ZZZ3: variants seen among roughly 807,000 people sequenced by gnomAD.
ZZZ3 encodes the protein zinc finger ZZ-type containing 3.
In ZZZ3, 22 loss-of-function variants were observed where a neutral mutation model predicts 95.2. The ratio of observed to expected loss-of-function variants is 0.23; its 90% CI spans 0.17 to 0.33. The LOEUF is 0.33. Ranked by LOEUF, ZZZ3 falls within the 10% of genes least tolerant of loss-of-function variation. The pLI is 1.00. For missense variants in ZZZ3, 885 were observed against 1,066.5 expected (o/e 0.83, Z 2.37); for synonymous variants, 335 against 358.9 (o/e 0.93, Z 0.75).
chr1:77,635,705 T>C lies in ZZZ3; in HGVS notation c.-51-2300A>G, dbSNP rs1570570569. Among the ~76,000 whole-genome samples, 2 of 152,190 alleles carry C rather than the reference T, an allele frequency of 1.3e-5. 1 individual carries two copies. The highest frequency in any genetic ancestry group is 4.2e-4 in the South Asian group (2 of 4,814). ...CGGATTACTTGAGGTCAGGAGTTCGTGACCAGCCTGGCCAACATGGTGAAA... is the reference window on the plus strand; with the variant it reads ...CGGATTACTTGAGGTCAGGAGTTCGCGACCAGCCTGGCCAACATGGTGAAA... On this transcript the variant is annotated intron_variant, in intron 4 of 14. Coordinates refer to ENST00000370801, the MANE Select transcript of ZZZ3 (RefSeq NM_015534.6).
intron 5 of ZZZ3, among the ~76,000 whole-genome samples, chr1:77,587,891 C>T (rs1286373521): frequency 6.6e-6 from 1 of 152,172 alleles, no homozygotes; most frequent in Non-Finnish European, 1.5e-5. Flanking sequence ...TTAGGTTGGT[C>T]CACTTTCACT....
At chr1:77,584,682 C>T (rs1662914498) in intron 5 of ZZZ3, 27 bp from the exon 6 acceptor site, 5 of 1,519,304 alleles carry the variant, frequency 3.3e-6, no homozygotes, top group South Asian at 2.7e-5. Flanking sequence ...AAATATTTCA[C>T]AAAAATTTTC....
At chr1:77,626,135 A>C (rs1205852984) in intron 5 of ZZZ3, among the ~76,000 whole-genome samples, 2 of 152,206 alleles carry the variant, frequency 1.3e-5, no homozygotes. Context: ...AAAGCAAAAA[A>C]TTCACTTAAT....
intron 1 of ZZZ3, among the ~76,000 whole-genome samples, chr1:77,668,543 A>T (rs1395753517): frequency 6.6e-6 from 1 of 151,724 alleles, no homozygotes; most frequent in Non-Finnish European, 1.5e-5. Context: ...TCTATTTATA[A>T]TAAGGAAAAC....
Position 77,581,968 on chromosome 1 carries a change from T to C in ZZZ3, c.1792+11A>G. 1.2e-6 allele frequency: 2 copies of C among 1,601,208 alleles called. No individual in the cohort carries two copies. Among genetic ancestry groups the C allele is most frequent in the Non-Finnish European group, 1.7e-6 (2 of 1,170,056 alleles). ...TTTTTCTACTTAAATTCTTATCATA[T>C]GATTTCTTACCTTTATCAAAAACTA... On this transcript the variant is annotated intron_variant, in intron 7 of 14. Coordinates refer to ENST00000370801, the MANE Select transcript of ZZZ3 (RefSeq NM_015534.6).
At chr1:77,624,239 C>T (rs1445168453) in intron 5 of ZZZ3, among the ~76,000 whole-genome samples, 1 of 152,140 alleles carries the variant, frequency 6.6e-6, no homozygotes, top group East Asian at 1.9e-4. Context: ...CTACAATTTC[C>T]TGAGTGACAG....
chr1:77,669,441 ACTTT>A (rs902196029), intron 1 of ZZZ3, among the ~76,000 whole-genome samples: 3 of 150,714 alleles, frequency 2.0e-5, no homozygotes, highest in Non-Finnish European at 4.4e-5. Context: ...ATACCATTAA[ACTTT>A]CTTTCTCAGT....
chr1:77,680,877 CTT>C (rs1672692953), intron 1 of ZZZ3, among the ~76,000 whole-genome samples: 1 of 152,012 alleles, frequency 6.6e-6, no homozygotes, highest in African/African-American at 2.4e-5. Flanking sequence ...TTATTTAAAT[CTT>C]GTTTTACATG....
chr1:77,671,864 A>G (rs927859822), intron 1 of ZZZ3, among the ~76,000 whole-genome samples: 1 of 152,198 alleles, frequency 6.6e-6, no homozygotes, highest in East Asian at 1.9e-4. Flanking sequence ...GATCCCCAGT[A>G]GATACCTGAA....
chr1:77,656,948 C>T (rs532167023), intron 1 of ZZZ3, among the ~76,000 whole-genome samples: 1 of 152,192 alleles, frequency 6.6e-6, no homozygotes, highest in Non-Finnish European at 1.5e-5. Flanking sequence ...CTTGTTTTAT[C>T]TGTACTTTTA....
At position 77,582,117 on chromosome 1, in the gene ZZZ3, C is replaced by T; in HGVS notation, c.1654G>A (p.Gly552Arg). 6.3e-7 allele frequency: 1 copy of T among 1,597,970 alleles called. No homozygotes were observed. ...VEKLQKKADI[G>R]LPYPQRVVQL... ...ACAACTCTCTGTGGATATGGAAGCC[C>T]AATATCAGCCTGGAGGCAGGGGAGA... The change falls in exon 7 of 15, where the codon GGG becomes AGG. Residue 552 changes from glycine to arginine, a missense_variant. Gly to Arg is a moderately radical substitution (Grantham distance 125, BLOSUM62 -2). Around this residue, in one of 5 missense-constraint regions of ZZZ3, gnomAD observed 556 missense variants for 652.9 expected, o/e 0.85. Transcript: ENST00000370801.
rs189565622 is a variant in ZZZ3, at chr1:77,630,469, C to T, written c.1505+1381G>A. ...TCAAGCCTGGGCAACAAGTGCGATGCTGTCTCAAAAAACGAAAAACAAAAA... is the reference window on the plus strand; with the variant it reads ...TCAAGCCTGGGCAACAAGTGCGATGTTGTCTCAAAAAACGAAAAACAAAAA... On this transcript the variant is annotated intron_variant, in intron 5 of 14. Transcript: ENST00000370801. 2.6e-5 allele frequency among the ~76,000 whole-genome samples: 4 copies of T among 152,200 alleles called. No homozygotes were observed. In the East Asian group the frequency reaches 7.7e-4, roughly 29 times the overall value.
At chr1:77,577,899 G>A (rs554851515) in intron 11 of ZZZ3, among the ~76,000 whole-genome samples, 9 of 152,130 alleles carry the variant, frequency 5.9e-5, no homozygotes, top group Non-Finnish European at 8.8e-5. Context: ...GATTACAGGC[G>A]TGAGCCACCG....
chr1:77,667,830 A>T (rs1671384147), intron 1 of ZZZ3, among the ~76,000 whole-genome samples: 1 of 146,298 alleles, frequency 6.8e-6, no homozygotes, highest in Non-Finnish European at 1.5e-5. Context: ...CAGTGGCATG[A>T]CATTGGTTCA....
At chr1:77,608,811 G>C (rs989234466) in intron 5 of ZZZ3, among the ~76,000 whole-genome samples, 1 of 152,166 alleles carries the variant, frequency 6.6e-6, no homozygotes, top group Non-Finnish European at 1.5e-5. Flanking sequence ...GCAGTGTGAA[G>C]TTGTTATCAG....
intron 1 of ZZZ3, among the ~76,000 whole-genome samples, chr1:77,667,091 T>C (rs1356802919): frequency 6.6e-6 from 1 of 152,246 alleles, no homozygotes; most frequent in Non-Finnish European, 1.5e-5. Flanking sequence ...AGAAAAAGCA[T>C]TCTTAGTTTA....
chr1:77,629,125 TTA>T (rs916094327), intron 5 of ZZZ3, among the ~76,000 whole-genome samples: 1 of 152,060 alleles, frequency 6.6e-6, no homozygotes, highest in African/African-American at 2.4e-5. Context: ...AGAGCCAACA[TTA>T]TATCCAACCA....
At chr1:77,622,688 C>T (rs1214824477) in intron 5 of ZZZ3, among the ~76,000 whole-genome samples, 1 of 152,150 alleles carries the variant, frequency 6.6e-6, no homozygotes, top group Non-Finnish European at 1.5e-5. Context: ...CACCTTCTCT[C>T]TTTTACCCAT....
At chr1:77,596,123 ATGAC>A (rs1437849399) in intron 5 of ZZZ3, among the ~76,000 whole-genome samples, 1 of 152,112 alleles carries the variant, frequency 6.6e-6, no homozygotes, top group Admixed American at 6.5e-5. Flanking sequence ...CAGATATTGA[ATGAC>A]TGACCATCAA....
Sources: allele counts gnomAD v4.1 joint callset (sites outside exome capture counted in the v4.1 genomes callset), GRCh38; gene constraint gnomAD v4.1.1; regional missense constraint gnomAD v4.1.1; transcripts MANE v1.5; gene names NCBI Gene and HGNC (gene_info 2026-07-23, HGNC 2026-07-21).